CREB5: variants seen among roughly 807,000 people sequenced by gnomAD.
CREB5 encodes cyclic AMP-responsive element-binding protein 5.
A neutral mutation model predicts 57.1 loss-of-function variants in CREB5; 19 were observed. The observed-to-expected ratio is 0.33, with a 90% CI of 0.23 to 0.49. CREB5 has a LOEUF of 0.49. CREB5 is among the 20% of genes least tolerant of loss of function. The pLI, the probability that CREB5 is intolerant of heterozygous loss-of-function variation, is 0.99. For synonymous variants in CREB5, 238 were observed against 238.3 expected (o/e 1.00, Z 0.01); for missense variants, 579 against 671.6 (o/e 0.86, Z 1.52).
chr7:28,454,827 G>A (rs6977204), intron 1 of CREB5, among the ~76,000 whole-genome samples: 44,620 of 152,002 alleles, frequency 0.29, 7,452 homozygotes, highest in East Asian at 0.57. Flanking sequence ...TGGAAGATCC[G>A]ACCTACTCTA....
At chr7:28,795,979 C>T (rs1032182525) in intron 7 of CREB5, among the ~76,000 whole-genome samples, 4 of 152,122 alleles carry the variant, frequency 2.6e-5, no homozygotes, top group Non-Finnish European at 4.4e-5. Flanking sequence ...TCTCAACCTC[C>T]TGACCTCAAG....
In CREB5 at chr7:28,824,298, C is replaced by T. The variant is rs1304200559; in HGVS notation, c.*5019C>T. The T allele has an allele frequency of 6.6e-6, 1 of 152,644 alleles. No individual in the cohort carries two copies. The highest frequency in any genetic ancestry group is 1.9e-4 in the East Asian group (1 of 5,206). 9.5% of individuals were successfully genotyped at this position (152,644 alleles called of 1,614,324 possible). A position where few individuals can be genotyped will look rare whatever the true frequency, so the allele number is the denominator to read the frequency against. ...TTATGCAACAGATGTGAGGCAGCAG[C>T]TAAGCTATACTTAAGAATTTTCTCT... On this transcript the variant is annotated 3_prime_UTR_variant, in exon 11 of 11. Transcript: ENST00000357727.
At chr7:28,560,805 TGCGCGTGTGTGTGTGTGCGC>T (rs1455957393) in intron 4 of CREB5, among the ~76,000 whole-genome samples, 6 of 54,768 alleles carry the variant, frequency 1.1e-4, no homozygotes, top group Non-Finnish European at 2.1e-4. Context: ...ACAGTGTGTG[TGCGCGTGTGTGTGTGTGCGC>T]GCGCGCGCGT....
At chr7:28,418,738 G>A (rs1477648012) in intron 1 of CREB5, among the ~76,000 whole-genome samples, 1 of 152,064 alleles carries the variant, frequency 6.6e-6, no homozygotes, top group Non-Finnish European at 1.5e-5. Context: ...TTATAGATGG[G>A]AAAACTAAGA....
At chr7:28,554,160 G>A (rs889490962) in intron 4 of CREB5, among the ~76,000 whole-genome samples, 2 of 152,094 alleles carry the variant, frequency 1.3e-5, no homozygotes, top group African/African-American at 4.8e-5. Context: ...ATCACCCATC[G>A]TCACAAAAAA....
chr7:28,503,907 A>C (rs1792373686), intron 3 of CREB5, among the ~76,000 whole-genome samples: 1 of 150,950 alleles, frequency 6.6e-6, no homozygotes, highest in Admixed American at 6.6e-5. Context: ...CAGAAGGACC[A>C]GAAAAAGGTC....
intron 3 of CREB5, among the ~76,000 whole-genome samples, chr7:28,498,617 C>T (rs1792150495): frequency 6.6e-6 from 1 of 152,218 alleles, no homozygotes; most frequent in South Asian, 2.1e-4. Flanking sequence ...TGACATGCCA[C>T]CAGGTAGGGT....
upstream of CREB5, among the ~76,000 whole-genome samples, chr7:28,409,013 G>T (rs112482630): frequency 3.1e-4 from 47 of 150,822 alleles, no homozygotes; most frequent in African/African-American, 1.0e-3. The surrounding 1 kb of genome is among the most constrained non-coding windows in gnomAD (Gnocchi z 4.4). Flanking sequence ...CCGCAGAAGA[G>T]CCCACGCCCG....
intron 5 of CREB5, among the ~76,000 whole-genome samples, chr7:28,581,403 GC>G (rs1429815786): frequency 6.6e-6 from 1 of 152,192 alleles, no homozygotes; most frequent in African/African-American, 2.4e-5. Context: ...GGCTCACCAA[GC>G]CATTAAAGAG....
intron 7 of CREB5, among the ~76,000 whole-genome samples, chr7:28,747,173 T>C (rs1451563821): frequency 1.3e-5 from 2 of 152,094 alleles, no homozygotes; most frequent in Admixed American, 1.3e-4. Flanking sequence ...TATGATGTTA[T>C]ACAAACAAGA....
intron 4 of CREB5, among the ~76,000 whole-genome samples, chr7:28,511,162 A>G (rs1322034359): frequency 6.6e-6 from 1 of 151,674 alleles, no homozygotes; most frequent in Non-Finnish European, 1.5e-5. Context: ...GATAAGTGTG[A>G]TGGAGAAAGG....
At chr7:28,419,165 G>A (rs911454385) in intron 1 of CREB5, among the ~76,000 whole-genome samples, 2 of 152,214 alleles carry the variant, frequency 1.3e-5, no homozygotes, top group Non-Finnish European at 2.9e-5. Flanking sequence ...GTGATTGACT[G>A]TTAAAAGTAT....
At chr7:28,347,084 C>A (rs7806362) in intron 1 of CREB5, among the ~76,000 whole-genome samples, 56,435 of 152,038 alleles carry the variant, frequency 0.37, 10,656 homozygotes, top group Non-Finnish European at 0.41. Context: ...CCTGTTCATT[C>A]TAGCAAATCT....
rs373447544 is a variant in CREB5 at position 28,804,327 on chromosome 7, C to G, written c.831C>G (p.His277Gln). 1.9e-6 allele frequency: 3 copies of G among 1,613,928 alleles called. No individual in the cohort carries two copies. The South Asian group carries it at 3.3e-5, about 18-fold the overall frequency. ...CGCCACACCATCACATGCACTCGCA[C>G]CCGCATCAGCACCAGACACTGCCAC... is the stretch of plus-strand genomic sequence containing the variant. The part of the protein sequence containing the change: ...DQTPHHHMHS[H>Q]PHQHQTLPPH... The change falls in exon 8 of 11, where the codon CAC (histidine) becomes CAG (glutamine). Residue 277 changes from histidine (H) to glutamine (Q), a missense_variant. By Grantham distance (24) the His-to-Gln change is conservative. Around this residue, in one of 3 missense-constraint regions of CREB5, gnomAD observed 459 missense variants for 515.7 expected, o/e 0.89. Coordinates refer to ENST00000357727, the MANE Select transcript of CREB5 (RefSeq NM_182898.4).
chr7:28,671,093 G>C (rs1800019533), intron 5 of CREB5, among the ~76,000 whole-genome samples: 1 of 151,864 alleles, frequency 6.6e-6, no homozygotes, highest in Non-Finnish European at 1.5e-5. Flanking sequence ...GCAAGACCCT[G>C]TCCCTGCAAA....
intron 7 of CREB5, among the ~76,000 whole-genome samples, chr7:28,774,148 A>G (rs1806493974): frequency 6.6e-6 from 1 of 152,130 alleles, no homozygotes; most frequent in African/African-American, 2.4e-5. Flanking sequence ...CTTAGCTTCT[A>G]TTTCATAGTT....
chr7:28,322,100 A>T (rs1167546868), intron 1 of CREB5, among the ~76,000 whole-genome samples: 3 of 152,218 alleles, frequency 2.0e-5, no homozygotes, highest in Non-Finnish European at 4.4e-5. Flanking sequence ...GATGTAGTAA[A>T]AAAGTAGCTT....
intron 5 of CREB5, among the ~76,000 whole-genome samples, chr7:28,671,900 C>A (rs1027004013): frequency 2.0e-5 from 3 of 152,184 alleles, no homozygotes; most frequent in African/African-American, 7.2e-5. Context: ...TGGCATTTAG[C>A]AAGGACTTTC....
chr7:28,303,453 C>G (rs1318965153), intron 1 of CREB5, among the ~76,000 whole-genome samples: 1 of 152,124 alleles, frequency 6.6e-6, no homozygotes. Context: ...AATTAGCCAG[C>G]CTTTATCTAG....
Sources: allele counts gnomAD v4.1 joint callset (sites outside exome capture counted in the v4.1 genomes callset), GRCh38; gene constraint gnomAD v4.1.1; regional missense constraint gnomAD v4.1.1; non-coding constraint Gnocchi (gnomAD v3.1); transcripts MANE v1.5; gene names NCBI Gene and HGNC (gene_info 2026-07-23, HGNC 2026-07-21).